COL14A1: variants seen among roughly 807,000 people sequenced by gnomAD.
COL14A1 encodes collagen type XIV alpha 1 chain.
A neutral mutation model predicts 230.3 loss-of-function variants in COL14A1; 136 were observed. The observed-to-expected ratio is 0.59, with a 90% CI of 0.51 to 0.68. The LOEUF is 0.68. COL14A1 is among the 30% of genes least tolerant of loss of function. The pLI, the probability that COL14A1 is intolerant of heterozygous loss-of-function variation, is 0.00. For synonymous variants in COL14A1, 792 were observed against 784.1 expected (o/e 1.01, Z -0.17); for missense variants, 1,976 against 2,215.8 (o/e 0.89, Z 2.17).
intron 5 of COL14A1, among the ~76,000 whole-genome samples, chr8:120,181,265 T>C (rs1199620524): frequency 6.6e-6 from 1 of 152,174 alleles, no homozygotes; most frequent in Admixed American, 6.5e-5. Flanking sequence ...ATCTCCCAAA[T>C]GTGCACTATT....
intron 5 of COL14A1, among the ~76,000 whole-genome samples, chr8:120,185,151 G>T (rs1341206115): frequency 6.6e-6 from 1 of 152,162 alleles, no homozygotes; most frequent in African/African-American, 2.4e-5. Flanking sequence ...CCCACGATTG[G>T]ATTAAATGGG....
At position 120,162,494 on chromosome 8, in the gene COL14A1, G is replaced by T; in HGVS notation, c.274G>T (p.Asp92Tyr). 6.2e-7 allele frequency: 1 copy of T among 1,613,044 alleles called. No homozygotes were observed. Among genetic ancestry groups the T allele is most frequent in the South Asian group, 1.1e-5 (1 of 90,710 alleles). Residue 92 changes from aspartate to tyrosine, a missense_variant, in exon 4 of 48, where the codon GAC (aspartate) becomes TAC (tyrosine). Transcript: ENST00000297848. ...TKAIIQGLMPDQNYTVQIIAY... is the reference protein window; with the variant it reads ...TKAIIQGLMPYQNYTVQIIAY... ...AGCAATTATTCAAGGCCTTATGCCA[G>T]ACCAGAATTACACAGTTCAAATTAT...
At chr8:120,183,784 G>C (rs564464040) in intron 5 of COL14A1, among the ~76,000 whole-genome samples, 2 of 152,182 alleles carry the variant, frequency 1.3e-5, no homozygotes, top group Admixed American at 6.5e-5. Context: ...GGACAAATGC[G>C]TACGGCTTTG....
At chr8:120,259,422 A>G (rs1480619651) in intron 23 of COL14A1, among the ~76,000 whole-genome samples, 2 of 152,168 alleles carry the variant, frequency 1.3e-5, no homozygotes, top group Non-Finnish European at 2.9e-5. Flanking sequence ...AAAATAAATT[A>G]ACTTCCTCCT....
intron 21 of COL14A1, among the ~76,000 whole-genome samples, chr8:120,249,359 A>T (rs1272136185): frequency 6.6e-6 from 1 of 152,076 alleles, no homozygotes; most frequent in African/African-American, 2.4e-5. Flanking sequence ...CCAGACAAAC[A>T]TCCTTATAAC....
rs775204866 is a variant in COL14A1, at chr8:120,208,362, G to C, written c.1321+1G>C. ...GGCCTACGGGGAACTGAAACTACAC[G>C]TATGTATTTAATTCTACCCCACTTC... On this transcript the variant is annotated splice_donor_variant, in intron 11 of 47. Coordinates refer to ENST00000297848, the MANE Select transcript of COL14A1 (RefSeq NM_021110.4). LOFTEE classifies it high-confidence loss of function. The C allele has an allele frequency of 6.2e-7, 1 of 1,611,790 alleles. No homozygotes were observed. The highest frequency in any genetic ancestry group is 1.1e-5 in the South Asian group (1 of 90,782).
At chr8:120,231,766 C>A in intron 19 of COL14A1, 148 bp downstream of exon 19, 1 of 797,612 alleles carries the variant, frequency 1.3e-6, no homozygotes, top group Non-Finnish European at 1.9e-6. Context: ...TAATCTGACT[C>A]CACTACTGGC....
At chr8:120,194,165 C>G (rs537377530) in intron 5 of COL14A1, among the ~76,000 whole-genome samples, 1 of 152,148 alleles carries the variant, frequency 6.6e-6, no homozygotes, top group African/African-American at 2.4e-5. Context: ...AGCTGTCGAC[C>G]GGAGCCATTC....
intron 1 of COL14A1, among the ~76,000 whole-genome samples, chr8:120,137,770 A>G (rs948719787): frequency 9.9e-5 from 15 of 151,840 alleles, no homozygotes; most frequent in Non-Finnish European, 8.8e-5. Context: ...AAGATATTTT[A>G]TTATTATTCA....
intron 19 of COL14A1, among the ~76,000 whole-genome samples, chr8:120,232,471 T>C (rs1020511550): frequency 2.0e-5 from 3 of 152,142 alleles, no homozygotes; most frequent in African/African-American, 7.2e-5. Context: ...CCTGTGTCCA[T>C]GTGTTCTCAT....
chr8:120,229,961 G>A (rs1265943726), intron 18 of COL14A1, among the ~76,000 whole-genome samples: 9 of 152,104 alleles, frequency 5.9e-5, no homozygotes, highest in Non-Finnish European at 4.4e-5. Context: ...GCTCACCACA[G>A]CCTTGACTTC....
intron 42 of COL14A1, among the ~76,000 whole-genome samples, chr8:120,336,603 C>A (rs150124994): frequency 6.6e-6 from 1 of 152,244 alleles, no homozygotes. Context: ...TCCCTCGTGT[C>A]ACTGTCTGGC....
At chr8:120,166,431 CT>C (rs1815876410) in intron 4 of COL14A1, among the ~76,000 whole-genome samples, 1 of 152,086 alleles carries the variant, frequency 6.6e-6, no homozygotes, top group Admixed American at 6.5e-5. Context: ...TTAAATGTGT[CT>C]TGTCAATCTT....
Position 120,226,722 on chromosome 8 carries a change from C to G in COL14A1, c.1960C>G (p.His654Asp). ...TCCCCTCTCAGCTGATGAAGGGCTA[C>G]ACAAATTGATGTGGATTCCAGTCTA... ...WHPLSADEGL[H>D]KLMWIPVYGG... The change falls in exon 16 of 48, where the codon CAC becomes GAC. Residue 654 changes from histidine (H) to aspartate (D), a missense_variant. Around this residue, in one of 3 missense-constraint regions of COL14A1, gnomAD observed 1,791 missense variants for 2,019.5 expected, o/e 0.89. Transcript: ENST00000297848. 6.2e-7 allele frequency: 1 copy of G among 1,613,794 alleles called. No homozygotes were observed. Among genetic ancestry groups the G allele is most frequent in the East Asian group, 2.2e-5 (1 of 44,878 alleles).
Position 120,226,696 on chromosome 8 carries a change from A to G in COL14A1, c.1934A>G (p.His645Arg). Residue 645 changes from histidine to arginine, a missense_variant, in exon 16 of 48, where the codon CAT (histidine) becomes CGT (arginine). This residue lies in a region of COL14A1 where 1,791 missense variants were observed against 2,019.5 expected (regional missense o/e 0.89). Coordinates refer to ENST00000297848, the MANE Select transcript of COL14A1 (RefSeq NM_021110.4). ...ACAGACAGTTTTAGGGTGACCTGGC[A>G]TCCCCTCTCAGCTGATGAAGGGCTA... Reference protein sequence around the residue: ...VTTDSFRVTWHPLSADEGLHK... With the variant: ...VTTDSFRVTWRPLSADEGLHK... 1 of 1,613,950 alleles carries G rather than the reference A, an allele frequency of 6.2e-7. No individual in the cohort carries two copies. Among genetic ancestry groups the G allele is most frequent in the Non-Finnish European group, 8.5e-7 (1 of 1,179,900 alleles).
chr8:120,357,419 CAA>C (rs1823026703), intron 45 of COL14A1, among the ~76,000 whole-genome samples: 1 of 151,712 alleles, frequency 6.6e-6, no homozygotes. Context: ...GCCACTGATC[CAA>C]GAGAGAGAGC....
intron 31 of COL14A1, among the ~76,000 whole-genome samples, chr8:120,281,690 A>G (rs922137168): frequency 6.6e-6 from 1 of 152,236 alleles, no homozygotes; most frequent in Non-Finnish European, 1.5e-5. Flanking sequence ...ATTATTATCT[A>G]AATTTTACAG....
At chr8:120,131,969 C>T (rs1443236884) in intron 1 of COL14A1, among the ~76,000 whole-genome samples, 1 of 150,364 alleles carries the variant, frequency 6.7e-6, no homozygotes, top group African/African-American at 2.4e-5. Flanking sequence ...GCCCCAGCCT[C>T]TCTAGTAGTT....
At chr8:120,316,163 ATCT>A (rs1821223033) in intron 40 of COL14A1, among the ~76,000 whole-genome samples, 166 bp downstream of exon 40, 1 of 152,096 alleles carries the variant, frequency 6.6e-6, no homozygotes, top group South Asian at 2.1e-4. Flanking sequence ...CTTCACTGAC[ATCT>A]TCTATGTTCA....
Sources: allele counts gnomAD v4.1 joint callset (sites outside exome capture counted in the v4.1 genomes callset), GRCh38; gene constraint gnomAD v4.1.1; regional missense constraint gnomAD v4.1.1; transcripts MANE v1.5; gene names NCBI Gene and HGNC (gene_info 2026-07-23, HGNC 2026-07-21).